The following FOXP1 variants were observed in gnomAD, a reference collection of about 807,000 sequenced individuals.
FOXP1 encodes the protein forkhead box P1.
Under a neutral mutation model 98.2 loss-of-function variants are expected in FOXP1, and 15 were observed. The ratio of observed to expected loss-of-function variants is 0.15; its 90% CI spans 0.10 to 0.24. The LOEUF is 0.24. Among genes scored for constraint, FOXP1 ranks in the 10% least tolerant of loss-of-function variants. FOXP1 has a pLI of 1.00. For missense variants in FOXP1, 633 were observed against 848.5 expected, an observed-to-expected ratio of 0.75 and a Z score of 3.15; for synonymous variants, 371 against 314.5, an observed-to-expected ratio of 1.18 and a Z score of -1.90.
At chr3:71,345,288 T>G (rs2077255199) in intron 4 of FOXP1, among the ~76,000 whole-genome samples, 2 of 151,922 alleles carry the variant, frequency 1.3e-5, no homozygotes, top group Admixed American at 6.6e-5. Context: ...CTCGGGAGGC[T>G]GAGGCAGGAA....
chr3:71,235,670 G>A (rs149823946), intron 5 of FOXP1, among the ~76,000 whole-genome samples: 75 of 152,194 alleles, frequency 4.9e-4, no homozygotes, highest in African/African-American at 1.6e-3. Context: ...AGGTTCAAGC[G>A]ATTCTCCTAC....
chr3:71,019,781 G>A (rs368681653), intron 11 of FOXP1, among the ~76,000 whole-genome samples: 14 of 152,008 alleles, frequency 9.2e-5, no homozygotes, highest in African/African-American at 2.7e-4. Context: ...CAGTGAGCCC[G>A]ATTGCACCAC....
At chr3:71,262,391 G>C (rs1230781773) in intron 5 of FOXP1, among the ~76,000 whole-genome samples, 1 of 150,770 alleles carries the variant, frequency 6.6e-6, no homozygotes, top group African/African-American at 2.4e-5. Context: ...ATCAAAGCTA[G>C]GACCTCTTTG....
chr3:71,407,549 A>C (rs1380886897), intron 3 of FOXP1, among the ~76,000 whole-genome samples: 1 of 152,182 alleles, frequency 6.6e-6, no homozygotes, highest in East Asian at 1.9e-4. Flanking sequence ...TGGCCTGAGG[A>C]TTGTAAATGA....
At chr3:71,506,055 G>C (rs546801142) in intron 2 of FOXP1, among the ~76,000 whole-genome samples, 4 of 152,308 alleles carry the variant, frequency 2.6e-5, no homozygotes, top group African/African-American at 9.6e-5. Context: ...CCTTGTCACC[G>C]GGAGTACATG....
At chr3:71,263,037 C>G (rs554494550) in intron 5 of FOXP1, among the ~76,000 whole-genome samples, 43 of 152,278 alleles carry the variant, frequency 2.8e-4, no homozygotes, top group African/African-American at 1.0e-3. Context: ...TGGAAGAGTT[C>G]AGGAGACCCT....
intron 13 of FOXP1, among the ~76,000 whole-genome samples, chr3:70,995,240 C>A (rs1365462130): frequency 2.0e-5 from 3 of 152,132 alleles, no homozygotes; most frequent in Non-Finnish European, 4.4e-5. Context: ...ACAGTGGGGG[C>A]CCAATATCGC....
intron 7 of FOXP1, among the ~76,000 whole-genome samples, chr3:71,081,276 G>A (rs1206663146): frequency 6.6e-6 from 1 of 152,074 alleles, no homozygotes; most frequent in Non-Finnish European, 1.5e-5. Flanking sequence ...TCCAGCACCT[G>A]TACTCAGCTC....
In FOXP1 at chr3:70,988,082, C is replaced by A; in HGVS notation, c.1063-5G>T. 6.2e-7 allele frequency: 1 copy of A among 1,613,678 alleles called. No individual in the cohort carries two copies. The highest frequency in any genetic ancestry group is 1.1e-5 in the South Asian group (1 of 91,070). On this transcript the variant is annotated splice_polypyrimidine_tract_variant and splice_region_variant and intron_variant, in intron 13 of 20. Coordinates refer to ENST00000649528, the MANE Select transcript of FOXP1 (RefSeq NM_001349338.3). ...GCGTTCTTTGTCTTTTGCAAGCTGG[C>A]AAGAAGAAAATGCTTTGTTATTTCT...
intron 5 of FOXP1, among the ~76,000 whole-genome samples, chr3:71,251,788 A>G (rs913406015): frequency 5.3e-5 from 8 of 152,234 alleles, no homozygotes; most frequent in African/African-American, 1.9e-4. Flanking sequence ...GTACACTGTC[A>G]TTCTGAATAA....
chr3:71,549,214 T>C (rs2045588825), intron 2 of FOXP1, among the ~76,000 whole-genome samples: 1 of 152,184 alleles, frequency 6.6e-6, no homozygotes, highest in Non-Finnish European at 1.5e-5. Context: ...ATACACCACT[T>C]AGAACTAACA....
chr3:71,334,728 A>C (rs1203848396), intron 4 of FOXP1: 1 of 152,212 alleles, frequency 6.6e-6, no homozygotes, highest in Admixed American at 6.6e-5. Context: ...GAACACAGCA[A>C]ACTGTTACGA....
chr3:71,281,049 AAAAAAAAAAAAAGAAGAAGAAGAAG>A (rs2071493507), intron 5 of FOXP1, among the ~76,000 whole-genome samples: 1 of 150,342 alleles, frequency 6.7e-6, no homozygotes. Context: ...CAAAAAAAAA[AAAAAAAAAAAAAGAAGAAGAAGAAG>A]AAAAAGTAGC....
intron 2 of FOXP1, chr3:71,541,955 C>T (rs774304739): frequency 1.9e-6 from 1 of 530,512 alleles, no homozygotes; most frequent in Non-Finnish European, 3.9e-6. Context: ...CACATGGCAT[C>T]ACGCCGCGCG....
At chr3:71,581,780 G>A (rs921084484) in intron 1 of FOXP1, 83 bp from the exon 2 acceptor site, 2 of 985,688 alleles carry the variant, frequency 2.0e-6, no homozygotes, top group African/African-American at 1.7e-5. Context: ...CGGGACGGGT[G>A]AGTAGGCCGA....
intron 4 of FOXP1, among the ~76,000 whole-genome samples, chr3:71,315,937 G>A (rs2075050223): frequency 2.0e-5 from 3 of 152,138 alleles, no homozygotes. Context: ...TCTTAGTTTT[G>A]TTCATAGGAA....
intron 3 of FOXP1, among the ~76,000 whole-genome samples, chr3:71,439,941 C>G (rs1326388294): frequency 9.0e-6 from 1 of 111,672 alleles, no homozygotes; most frequent in Non-Finnish European, 1.8e-5. Flanking sequence ...GAGTGAGACT[C>G]TGTCTCAGGA....
intron 5 of FOXP1, among the ~76,000 whole-genome samples, chr3:71,274,546 AC>A (rs2070707320): frequency 6.6e-6 from 1 of 152,192 alleles, no homozygotes. Context: ...GCTACACCTG[AC>A]CTATTCAGTT....
At chr3:71,451,599 TA>T (rs2086964781) in intron 3 of FOXP1, among the ~76,000 whole-genome samples, 1 of 152,094 alleles carries the variant, frequency 6.6e-6, no homozygotes, top group Non-Finnish European at 1.5e-5. Context: ...CAAAGCCAAT[TA>T]AATACAATTT....
Sources: gnomAD v4.1 joint callset for allele counts (sites outside exome capture counted in the v4.1 genomes callset) on GRCh38, gnomAD v4.1.1 for gene constraint, MANE v1.5 for transcripts, NCBI Gene and HGNC (gene_info 2026-07-23, HGNC 2026-07-21) for gene names.